The following SUPT3H variants were observed in gnomAD, a reference collection of about 807,000 sequenced individuals.
SUPT3H encodes the protein transcription initiation protein SPT3 homolog.
Under a neutral mutation model 44.3 loss-of-function variants are expected in SUPT3H, and 44 were observed. The observed-to-expected ratio is 0.99, with a 90% confidence interval of 0.78 to 1.28. The LOEUF (loss-of-function observed/expected upper bound fraction) is 1.28. Among genes scored for constraint, SUPT3H ranks in the 50% most tolerant of loss-of-function variants. The probability of loss-of-function intolerance (pLI) is 0.00; values close to 1 mark genes in which losing one functional copy is unlikely to be tolerated. For missense variants in SUPT3H, 380 were observed against 387.1 expected (o/e 0.98, Z 0.15); for synonymous variants, 124 against 125.6 (o/e 0.99, Z 0.09).
At chr6:45,007,092 T>C (rs569074762) in intron 5 of SUPT3H, among the ~76,000 whole-genome samples, 66 of 152,274 alleles carry the variant, frequency 4.3e-4, no homozygotes, top group African/African-American at 1.5e-3. Context: ...TTGCAGTCCC[T>C]TCCTCTCATG....
chr6:45,147,050 TATA>T (rs1164053304), intron 2 of SUPT3H, among the ~76,000 whole-genome samples: 3 of 152,098 alleles, frequency 2.0e-5, no homozygotes, highest in Non-Finnish European at 4.4e-5. Context: ...ATTTACTCAT[TATA>T]ATAAGTTGAT....
At chr6:45,376,011 T>C (rs1796725081) in intron 1 of SUPT3H, among the ~76,000 whole-genome samples, 1 of 152,138 alleles carries the variant, frequency 6.6e-6, no homozygotes, top group Non-Finnish European at 1.5e-5. Context: ...AGAAAAAAAC[T>C]TGAATAAGAG....
At chr6:45,210,997 A>T (rs1763998616) in intron 2 of SUPT3H, among the ~76,000 whole-genome samples, 1 of 152,170 alleles carries the variant, frequency 6.6e-6, no homozygotes, top group South Asian at 2.1e-4. Context: ...CCAGTCCCAA[A>T]AGTTTTCCAC....
intron 10 of SUPT3H, among the ~76,000 whole-genome samples, chr6:44,887,655 A>G (rs1217129194): frequency 2.0e-5 from 3 of 151,802 alleles, no homozygotes; most frequent in African/African-American, 7.3e-5. Flanking sequence ...AAATGCCCAC[A>G]AGAGAAAGCA....
At chr6:45,347,405 G>A (rs1302791274) in intron 2 of SUPT3H, among the ~76,000 whole-genome samples, 1 of 152,062 alleles carries the variant, frequency 6.6e-6, no homozygotes, top group East Asian at 1.9e-4. Context: ...TTTGGTGGTA[G>A]ATGTACACAA....
chr6:45,094,828 T>C (rs548722349), intron 3 of SUPT3H, among the ~76,000 whole-genome samples: 3 of 152,196 alleles, frequency 2.0e-5, no homozygotes, highest in African/African-American at 7.2e-5. Context: ...TTTTCCATAA[T>C]ACTTATTCCA....
chr6:45,276,795 C>G (rs1412270719), intron 2 of SUPT3H, among the ~76,000 whole-genome samples: 1 of 152,186 alleles, frequency 6.6e-6, no homozygotes, highest in Non-Finnish European at 1.5e-5. Context: ...CCTAGCTGAC[C>G]ATCATACACA....
At chr6:45,127,662 C>A (rs937587843) in intron 2 of SUPT3H, among the ~76,000 whole-genome samples, 2 of 152,122 alleles carry the variant, frequency 1.3e-5, no homozygotes, top group African/African-American at 4.8e-5. Flanking sequence ...TCAGAGACTT[C>A]TATTTTCAAA....
At chr6:45,236,519 T>G in intron 2 of SUPT3H, among the ~76,000 whole-genome samples, 1 of 152,096 alleles carries the variant, frequency 6.6e-6, no homozygotes, top group African/African-American at 2.4e-5. Flanking sequence ...AGGAGGCAGA[T>G]GTTCATCCCT....
chr6:44,849,108 A>G (rs1458953612), intron 10 of SUPT3H, among the ~76,000 whole-genome samples: 2 of 152,176 alleles, frequency 1.3e-5, no homozygotes, highest in African/African-American at 4.8e-5. Flanking sequence ...AGAATATAAC[A>G]TATGGCCAAC....
intron 10 of SUPT3H, among the ~76,000 whole-genome samples, chr6:44,888,499 A>G (rs1195231459): frequency 6.6e-6 from 1 of 152,204 alleles, no homozygotes; most frequent in Admixed American, 6.5e-5. Context: ...ATATAAATAG[A>G]ACCAAAGACA....
At position 45,302,673 on chromosome 6, in the gene SUPT3H, T is replaced by G. The variant is rs186634700; in HGVS notation, c.101+62528A>C. Among the ~76,000 whole-genome samples, 91 of 151,860 alleles carry G rather than the reference T, an allele frequency of 6.0e-4. No individual in the cohort carries two copies. In the Middle Eastern group the frequency reaches 0.017, roughly 28 times the overall value. On this transcript the variant is annotated intron_variant, in intron 2 of 10. Coordinates refer to ENST00000371459, the MANE Select transcript of SUPT3H (RefSeq NM_003599.4). ...TGTGTGTGCAACTATCTTTTCTGTA[T>G]AGCAACTTCTTTTCCTCTGGGTAGA...
At chr6:45,279,378 C>T (rs1465430957) in intron 2 of SUPT3H, among the ~76,000 whole-genome samples, 1 of 152,164 alleles carries the variant, frequency 6.6e-6, no homozygotes, top group African/African-American at 2.4e-5. Context: ...GTGTCCCCTA[C>T]AAGACTCATG....
At position 44,935,389 on chromosome 6, in the gene SUPT3H, A is replaced by G. The variant is rs553725454; in HGVS notation, c.802-2626T>C. Among the ~76,000 whole-genome samples the G allele has an allele frequency of 2.0e-5, 3 of 152,310 alleles. No individual in the cohort carries two copies. In the South Asian group the frequency reaches 6.2e-4, roughly 32 times the overall value. ...TAATAATCTTATATCAGCTATAAAC[A>G]CGTGTGAAGAGCATTATACTTATAC... On this transcript the variant is annotated intron_variant, in intron 9 of 10. Coordinates refer to ENST00000371459, the MANE Select transcript of SUPT3H (RefSeq NM_003599.4).
chr6:45,181,327 A>G (rs1813132061), intron 2 of SUPT3H, among the ~76,000 whole-genome samples: 1 of 151,150 alleles, frequency 6.6e-6, no homozygotes, highest in Admixed American at 6.6e-5. Flanking sequence ...AGGGATCTAG[A>G]ACTAGGAATA....
At position 45,290,175 on chromosome 6, in the gene SUPT3H, G is replaced by A. The variant is rs376200882; in HGVS notation, c.101+75026C>T. On this transcript the variant is annotated intron_variant, in intron 2 of 10. Coordinates refer to ENST00000371459, the MANE Select transcript of SUPT3H (RefSeq NM_003599.4). ...AACCTGGGCAACAGAGTGAGACCCC[G>A]TCTCAAAAAAAGAAAAAAAAATTAA... Among the ~76,000 whole-genome samples the A allele has an allele frequency of 1.2e-4, 18 of 151,652 alleles. No individual in the cohort carries two copies. In the East Asian group the frequency reaches 1.7e-3, roughly 15 times the overall value.
At chr6:44,821,588 A>G (rs1323855030) in intron 11 of SUPT3H, among the ~76,000 whole-genome samples, 1 of 152,206 alleles carries the variant, frequency 6.6e-6, no homozygotes, top group East Asian at 1.9e-4. Context: ...GCCTATCCAT[A>G]TGAAAACAAT....
At chr6:45,130,941 T>C (rs2153584190) in intron 2 of SUPT3H, among the ~76,000 whole-genome samples, 1 of 151,992 alleles carries the variant, frequency 6.6e-6, no homozygotes, top group Middle Eastern at 3.4e-3. Flanking sequence ...GGTCTCGAAC[T>C]CCCGACCTCA....
Position 45,066,069 on chromosome 6 carries a change from C to T in SUPT3H, c.186+39853G>A, listed in dbSNP as rs1195272972. Among the ~76,000 whole-genome samples the T allele has an allele frequency of 7.4e-3, 981 of 133,052 alleles. 9 individuals are homozygous for T. The highest frequency in any genetic ancestry group is 0.011 in the Non-Finnish European group (659 of 62,672). 87.3% of individuals were successfully genotyped at this position (133,052 alleles called of 152,430 possible). ...TGATGCAAAAATCCTCAATAAAATA[C>T]TGGCAAAACGAATCCAGCAGCACAT... On this transcript the variant is annotated intron_variant, in intron 3 of 10. Transcript: ENST00000371459.
Sources: allele counts gnomAD v4.1 joint callset (sites outside exome capture counted in the v4.1 genomes callset), GRCh38; gene constraint gnomAD v4.1.1; transcripts MANE v1.5; gene names NCBI Gene and HGNC (gene_info 2026-07-23, HGNC 2026-07-21).